Variants in GSE1 observed in about 807,000 individuals in gnomAD.
GSE1 encodes the protein Gse1 coiled-coil protein.
Under a neutral mutation model 112.6 loss-of-function variants are expected in GSE1, and 32 were observed. That is an observed-to-expected ratio of 0.28 (90% CI 0.21 to 0.38). GSE1 has a LOEUF of 0.38. GSE1 is among the 10% of genes least tolerant of loss of function. GSE1 has a pLI of 1.00. For synonymous variants in GSE1, 1,115 were observed against 735.6 expected (o/e 1.52, Z -8.35); for missense variants, 2,348 against 1,699.2 (o/e 1.38, Z -6.71).
At chr16:85,302,343 C>T (rs1209614115) in intron 1 of GSE1, among the ~76,000 whole-genome samples, 3 of 152,114 alleles carry the variant, frequency 2.0e-5, no homozygotes, top group Non-Finnish European at 4.4e-5. Context: ...GCGACCTTAG[C>T]AGAATTCAAT....
chr16:85,425,493 C>A (rs1186058878), intron 2 of GSE1, among the ~76,000 whole-genome samples: 1 of 152,176 alleles, frequency 6.6e-6, no homozygotes, highest in South Asian at 2.1e-4. Context: ...AGACAAAACC[C>A]ATCTTGTGGT....
chr16:85,352,015 C>A (rs1031502853), intron 1 of GSE1, among the ~76,000 whole-genome samples: 90 of 151,958 alleles, frequency 5.9e-4, no homozygotes, highest in African/African-American at 2.0e-3. Flanking sequence ...AAAAAAAAAA[C>A]CCAAATAGAC....
At chr16:85,555,762 G>T, upstream of GSE1, 2 of 979,170 alleles carry the variant, frequency 2.0e-6, no homozygotes, top group South Asian at 4.7e-5. Flanking sequence ...CATTCAAATG[G>T]CTGAATGGAG....
exon 1 of GSE1, chr16:85,556,026 G>C: frequency 1.0e-6 from 1 of 985,110 alleles, no homozygotes; most frequent in Non-Finnish European, 1.2e-6. Flanking sequence ...GGGCAGCCGT[G>C]GAGGCTCCGG....
At chr16:85,463,209 C>CCAGG in intron 2 of GSE1, 1 of 625,292 alleles carries the variant, frequency 1.6e-6, no homozygotes, top group Non-Finnish European at 2.0e-6. Context: ...CCACCCGGGG[C>CCAGG]TGGAACCTGG....
intron 1 of GSE1, 117 bp from the exon 2 acceptor site, chr16:85,633,797 C>T (rs867309792): frequency 2.4e-4 from 173 of 715,888 alleles, no homozygotes; most frequent in Middle Eastern, 1.4e-3. Flanking sequence ...TGCTGGAGCC[C>T]CCGGGGCTGC....
chr16:85,523,802 C>A (rs1284709636), intron 2 of GSE1, among the ~76,000 whole-genome samples: 1 of 152,236 alleles, frequency 6.6e-6, no homozygotes, highest in Non-Finnish European at 1.5e-5. Flanking sequence ...GAGGGGCTGG[C>A]CCTCAGGCGC....
In GSE1 at chr16:85,321,875, C is replaced by T. The variant is rs141786649; in HGVS notation, c.2284-35588C>T. Among the ~76,000 whole-genome samples, 654 of 152,218 alleles carry T rather than the reference C, an allele frequency of 4.3e-3. 8 individuals are homozygous for T. The highest frequency in any genetic ancestry group is 0.015 in the African/African-American group (628 of 41,538). Reference sequence around the variant, plus strand: ...CTGATTGGAACATCTAGAGTAACAGCCTCGGACACTGAGGCTCCTAGAAGG... The same window carrying T: ...CTGATTGGAACATCTAGAGTAACAGTCTCGGACACTGAGGCTCCTAGAAGG... On this transcript the variant is annotated intron_variant, in intron 1 of 2. Transcript: ENST00000637419.
At chr16:85,476,725 C>G (rs962106125) in intron 2 of GSE1, among the ~76,000 whole-genome samples, 1 of 151,746 alleles carries the variant, frequency 6.6e-6, no homozygotes, top group Non-Finnish European at 1.5e-5. Context: ...CTTCCCACCG[C>G]AGCCTCCCCA....
At chr16:85,358,454 C>G (rs900964499) in intron 2 of GSE1, among the ~76,000 whole-genome samples, 20 of 152,308 alleles carry the variant, frequency 1.3e-4, no homozygotes, top group Admixed American at 9.1e-4. Context: ...CCCCACAGCA[C>G]GGGAGACTTG....
At chr16:85,401,346 G>A (rs550005670) in intron 2 of GSE1, among the ~76,000 whole-genome samples, 1 of 150,502 alleles carries the variant, frequency 6.6e-6, no homozygotes, top group Non-Finnish European at 1.5e-5. Context: ...GGGAGTACCC[G>A]GGCCATCAGA....
intron 1 of GSE1, among the ~76,000 whole-genome samples, chr16:85,589,769 CAT>C (rs2046894064): frequency 6.6e-6 from 1 of 151,740 alleles, no homozygotes; most frequent in African/African-American, 2.4e-5. Context: ...ACTTGTGTGA[CAT>C]TGTGAATGTA....
In GSE1 at chr16:85,661,374, G is replaced by A. The variant is rs2052415361; in HGVS notation, c.1869G>A (p.Val623=). 1.2e-6 allele frequency: 2 copies of A among 1,612,260 alleles called. No homozygotes were observed. Among genetic ancestry groups the A allele is most frequent in the African/African-American group, 1.3e-5 (1 of 74,944 alleles). The change falls in exon 9 of 16, where the codon GTG becomes GTA. Residue 623 remains valine, a synonymous_variant. Coordinates refer to ENST00000253458, the MANE Select transcript of GSE1 (RefSeq NM_014615.5). Reference sequence around the variant, plus strand: ...GCCGCCAGGCAGCCGTGCCGCTGGTGAAGGTGGAGCGGGTCTTCTGCCCGG... The same window carrying A: ...GCCGCCAGGCAGCCGTGCCGCTGGTAAAGGTGGAGCGGGTCTTCTGCCCGG... The part of the protein sequence containing the change: ...EPSRQAAVPL[V]KVERVFCPEK...
chr16:85,367,034 C>T (rs1003800437), intron 2 of GSE1, among the ~76,000 whole-genome samples: 3 of 152,228 alleles, frequency 2.0e-5, no homozygotes, highest in Non-Finnish European at 2.9e-5. Context: ...GGCCACTGTG[C>T]CTTGGCCCGC....
chr16:85,591,441 C>T (rs1391207573), intron 1 of GSE1, among the ~76,000 whole-genome samples: 1 of 152,254 alleles, frequency 6.6e-6, no homozygotes, highest in African/African-American at 2.4e-5. Context: ...AACTTTTCTC[C>T]CGACTCCCAG....
chr16:85,555,137 G>C (rs2045136861), upstream of GSE1: 2 of 985,338 alleles, frequency 2.0e-6, no homozygotes, highest in African/African-American at 3.5e-5. Flanking sequence ...GCCGCCCGCC[G>C]CTGCGCCCCT....
chr16:85,649,443 T>G (rs1160878868), intron 3 of GSE1, among the ~76,000 whole-genome samples: 1 of 152,196 alleles, frequency 6.6e-6, no homozygotes, highest in African/African-American at 2.4e-5. Flanking sequence ...TGGTGGGTTT[T>G]GTGTTTCTGT....
intron 1 of GSE1, among the ~76,000 whole-genome samples, chr16:85,222,939 G>C (rs2075419248): frequency 6.6e-6 from 1 of 152,128 alleles, no homozygotes; most frequent in Non-Finnish European, 1.5e-5. Flanking sequence ...TTGAAAAACT[G>C]TCTGCTATAT....
intron 1 of GSE1, among the ~76,000 whole-genome samples, chr16:85,603,585 C>T (rs886420106): frequency 2.6e-5 from 4 of 152,242 alleles, no homozygotes; most frequent in African/African-American, 2.4e-5. Flanking sequence ...ACTGCAGCCT[C>T]AACCTCTCAG....
Sources: gnomAD v4.1 joint callset for allele counts (sites outside exome capture counted in the v4.1 genomes callset) on GRCh38, gnomAD v4.1.1 for gene constraint, MANE v1.5 for transcripts, NCBI Gene and HGNC (gene_info 2026-07-23, HGNC 2026-07-21) for gene names.